POU6F2: variants seen among roughly 807,000 people sequenced by gnomAD.
The protein encoded by POU6F2 is POU domain, class 6, transcription factor 2.
In POU6F2, 31 loss-of-function variants were observed where a neutral mutation model predicts 71.3. The observed-to-expected ratio is 0.43, with a 90% CI of 0.33 to 0.59. The LOEUF (loss-of-function observed/expected upper bound fraction) is 0.59, where lower values mean the gene tolerates loss of function less well. Ranked by LOEUF, POU6F2 falls within the 20% of genes least tolerant of loss-of-function variation. The pLI is 0.04. For missense variants in POU6F2, 783 were observed against 856.8 expected (o/e 0.91, Z 1.07); for synonymous variants, 347 against 355.7 (o/e 0.98, Z 0.27).
intron 2 of POU6F2, among the ~76,000 whole-genome samples, chr7:39,172,390 C>G (rs1793234133): frequency 6.6e-6 from 1 of 152,076 alleles, no homozygotes; most frequent in African/African-American, 2.4e-5. Context: ...CAGAGTAATT[C>G]CTTGGTCACA....
chr7:39,239,430 A>G (rs530620044), intron 4 of POU6F2, among the ~76,000 whole-genome samples: 2 of 152,252 alleles, frequency 1.3e-5, no homozygotes, highest in East Asian at 3.9e-4. Flanking sequence ...TATTTATCCC[A>G]CTTAGTATGA....
chr7:38,982,014 C>CT (rs1788329634), intron 1 of POU6F2, among the ~76,000 whole-genome samples: 2 of 152,274 alleles, frequency 1.3e-5, no homozygotes, highest in African/African-American at 4.8e-5. Flanking sequence ...TAATAATTTG[C>CT]TTACCTAAAA....
intron 5 of POU6F2, among the ~76,000 whole-genome samples, chr7:39,365,608 G>A (rs745487301): frequency 1.1e-4 from 17 of 152,234 alleles, no homozygotes; most frequent in Non-Finnish European, 2.2e-4. Context: ...CCCAGAGAGT[G>A]GGAGAAAAAT....
chr7:39,190,294 T>C (rs1454469803), intron 2 of POU6F2, among the ~76,000 whole-genome samples: 3 of 151,962 alleles, frequency 2.0e-5, no homozygotes, highest in South Asian at 2.1e-4. Flanking sequence ...ATGATACACA[T>C]TGATAGACTT....
intron 4 of POU6F2, among the ~76,000 whole-genome samples, chr7:39,248,324 C>T (rs1783855557): frequency 6.6e-6 from 1 of 152,116 alleles, no homozygotes; most frequent in Admixed American, 6.5e-5. Flanking sequence ...CAAAGCCAAA[C>T]AAAACAGCTT....
chr7:39,383,051 ATTG>A, intron 5 of POU6F2, among the ~76,000 whole-genome samples: 1 of 152,314 alleles, frequency 6.6e-6, no homozygotes, highest in Middle Eastern at 3.4e-3. Flanking sequence ...CTGTGCTCCT[ATTG>A]TTATTAATAT....
At chr7:39,088,171 A>G (rs1465505958) in intron 2 of POU6F2, among the ~76,000 whole-genome samples, 2 of 152,158 alleles carry the variant, frequency 1.3e-5, no homozygotes, top group African/African-American at 4.8e-5. Context: ...CCAGTTTCCA[A>G]TTAGATCAAG....
chr7:39,112,735 CT>C (rs1395255633), intron 2 of POU6F2, among the ~76,000 whole-genome samples: 1 of 152,002 alleles, frequency 6.6e-6, no homozygotes, highest in Admixed American at 6.6e-5. Context: ...TGAAACTTGA[CT>C]GGCACTCTGG....
intron 4 of POU6F2, among the ~76,000 whole-genome samples, chr7:39,308,992 A>G (rs1785103009): frequency 6.6e-6 from 1 of 152,236 alleles, no homozygotes; most frequent in African/African-American, 2.4e-5. Flanking sequence ...GCAGAGACAC[A>G]CGCCACCTTT....
chr7:38,982,759 C>T (rs551026196), intron 1 of POU6F2, among the ~76,000 whole-genome samples: 1 of 152,106 alleles, frequency 6.6e-6, no homozygotes, highest in East Asian at 1.9e-4. Context: ...ACTCTCTGTA[C>T]CATTCAATTA....
At chr7:39,213,432 G>GGATGTATGTATGTAATGGATAC (rs1369976698) in intron 4 of POU6F2, among the ~76,000 whole-genome samples, 5 of 152,174 alleles carry the variant, frequency 3.3e-5, no homozygotes, top group Non-Finnish European at 5.9e-5. Context: ...TTACATACAA[G>GGATGTATGTATGTAATGGATAC]AAAATGCATG....
chr7:39,113,312 A>G (rs1033382230), intron 2 of POU6F2, among the ~76,000 whole-genome samples: 4 of 152,156 alleles, frequency 2.6e-5, no homozygotes, highest in African/African-American at 9.7e-5. Context: ...TAGAACCTTA[A>G]AACAACACTG....
intron 4 of POU6F2, among the ~76,000 whole-genome samples, chr7:39,273,475 C>T (rs1199705107): frequency 2.0e-5 from 3 of 152,196 alleles, no homozygotes; most frequent in African/African-American, 7.2e-5. Context: ...GATGGAGGGG[C>T]ATTCTACAGG....
At chr7:39,068,447 C>G (rs983437631) in intron 1 of POU6F2, among the ~76,000 whole-genome samples, 11 of 148,992 alleles carry the variant, frequency 7.4e-5, no homozygotes, top group African/African-American at 2.8e-4. Flanking sequence ...ATTCTAAAAA[C>G]ACCAAGAAAG....
At chr7:39,428,238 C>T (rs944962378) in intron 6 of POU6F2, among the ~76,000 whole-genome samples, 1 of 152,042 alleles carries the variant, frequency 6.6e-6, no homozygotes, top group Admixed American at 6.5e-5. Flanking sequence ...TTTTTAGTTG[C>T]TCTTATAATA....
At chr7:39,049,793 A>G (rs1383864563) in intron 1 of POU6F2, among the ~76,000 whole-genome samples, 1 of 151,920 alleles carries the variant, frequency 6.6e-6, no homozygotes, top group Non-Finnish European at 1.5e-5. Context: ...TTTTTGGACT[A>G]TTGTCATAAT....
chr7:39,370,865 A>G (rs569208746), intron 5 of POU6F2, among the ~76,000 whole-genome samples: 18 of 152,292 alleles, frequency 1.2e-4, no homozygotes, highest in African/African-American at 4.3e-4. Context: ...TGTAGGCTCA[A>G]CCTGCAGATT....
chr7:39,130,933 T>C (rs1175781706), intron 2 of POU6F2, among the ~76,000 whole-genome samples: 2 of 152,228 alleles, frequency 1.3e-5, no homozygotes, highest in Admixed American at 6.5e-5. Flanking sequence ...GGGAGCCTAG[T>C]TGCTGCGTCT....
intron 1 of POU6F2, among the ~76,000 whole-genome samples, chr7:39,066,544 T>A (rs757439131): frequency 2.3e-4 from 35 of 151,662 alleles, no homozygotes; most frequent in Non-Finnish European, 4.0e-4. Context: ...AAGAAATTGA[T>A]TTCATTCACA....
Sources: allele counts gnomAD v4.1 joint callset (sites outside exome capture counted in the v4.1 genomes callset), GRCh38; gene constraint gnomAD v4.1.1; transcripts MANE v1.5; gene names NCBI Gene and HGNC (gene_info 2026-07-23, HGNC 2026-07-21).